Variants in LRRC36 observed in about 807,000 individuals in gnomAD.
LRRC36 encodes the protein leucine-rich repeat-containing protein 36.
In LRRC36, 62 loss-of-function variants were observed where a neutral mutation model predicts 81.1. The observed-to-expected ratio is 0.76, with a 90% CI of 0.62 to 0.94. LRRC36 has a LOEUF of 0.94. Ranked by LOEUF, LRRC36 falls within the 40% of genes least tolerant of loss-of-function variation. LRRC36 has a pLI of 0.00. For missense variants in LRRC36, 761 were observed against 881.7 expected (o/e 0.86, Z 1.73); for synonymous variants, 334 against 348.6 (o/e 0.96, Z 0.47).
intron 1 of LRRC36, among the ~76,000 whole-genome samples, chr16:67,335,324 G>A (rs527736742): frequency 3.9e-5 from 6 of 152,244 alleles, no homozygotes; most frequent in East Asian, 1.9e-4. Flanking sequence ...AGAATTCAGC[G>A]ATATTTCTCC....
At chr16:67,362,776 G>A (rs894734902) in intron 5 of LRRC36, among the ~76,000 whole-genome samples, 1 of 151,590 alleles carries the variant, frequency 6.6e-6, no homozygotes, top group Non-Finnish European at 1.5e-5. Context: ...TTTTGTTGTT[G>A]TTGTTGTTGT....
intron 6 of LRRC36, 56 bp from the exon 7 acceptor site, chr16:67,365,248 C>T: frequency 1.8e-6 from 2 of 1,138,326 alleles, no homozygotes; most frequent in Non-Finnish European, 1.3e-6. Flanking sequence ...GTCTAATAAG[C>T]TCACATTTGA....
At chr16:67,376,078 G>C (rs1274874092) in intron 10 of LRRC36, among the ~76,000 whole-genome samples, 1 of 152,230 alleles carries the variant, frequency 6.6e-6, no homozygotes, top group African/African-American at 2.4e-5. Flanking sequence ...GGGAGGCCGA[G>C]GTGGGTGGAT....
chr16:67,366,993 T>A (rs1438403385), intron 7 of LRRC36, 24 bp from the exon 8 acceptor site: 1 of 1,556,992 alleles, frequency 6.4e-7, no homozygotes, highest in Non-Finnish European at 8.7e-7. Context: ...TCATGTTTTG[T>A]TTTTTTGCCT....
chr16:67,366,041 T>C (rs545110952), intron 7 of LRRC36, among the ~76,000 whole-genome samples: 2 of 152,328 alleles, frequency 1.3e-5, no homozygotes, highest in South Asian at 4.1e-4. Context: ...AGCTTTTCTT[T>C]GTGTGATAAT....
intron 6 of LRRC36, among the ~76,000 whole-genome samples, chr16:67,364,396 A>AT (rs1253320001): frequency 2.0e-5 from 3 of 152,226 alleles, no homozygotes; most frequent in Non-Finnish European, 4.4e-5. Flanking sequence ...TTTATGAGCA[A>AT]TAAAATTGTA....
chr16:67,328,022 T>C (rs146525636), intron 1 of LRRC36, among the ~76,000 whole-genome samples: 63 of 152,062 alleles, frequency 4.1e-4, no homozygotes, highest in Admixed American at 1.3e-3. Flanking sequence ...TTGCTGAAAA[T>C]TTTAGCTGTA....
intron 1 of LRRC36, among the ~76,000 whole-genome samples, chr16:67,329,908 T>C (rs1018919553): frequency 6.6e-6 from 1 of 152,104 alleles, no homozygotes; most frequent in East Asian, 1.9e-4. Flanking sequence ...GCAGAGCAAG[T>C]CTCCATCTAA....
chr16:67,364,589 G>A lies in LRRC36; in HGVS notation c.703-715G>A, dbSNP rs535989592. 5.3e-5 allele frequency among the ~76,000 whole-genome samples: 8 copies of A among 152,280 alleles called. No individual in the cohort carries two copies. The South Asian group carries it at 1.7e-3, about 32-fold the overall frequency. ...TTGTTTTTGGAGATTATACTTGGGTGACTTAGAAACAATCTCAGTTACCAT... is the reference window on the plus strand; with the variant it reads ...TTGTTTTTGGAGATTATACTTGGGTAACTTAGAAACAATCTCAGTTACCAT... On this transcript the variant is annotated intron_variant, in intron 6 of 13. Coordinates refer to ENST00000329956, the MANE Select transcript of LRRC36 (RefSeq NM_018296.6).
At chr16:67,355,608 T>A (rs1362794724) in intron 5 of LRRC36, among the ~76,000 whole-genome samples, 2 of 152,014 alleles carry the variant, frequency 1.3e-5, no homozygotes, top group Non-Finnish European at 2.9e-5. Flanking sequence ...TCTCCTGACC[T>A]CATGATCCGC....
At chr16:67,358,242 A>G (rs1213127555) in intron 5 of LRRC36, among the ~76,000 whole-genome samples, 3 of 151,816 alleles carry the variant, frequency 2.0e-5, no homozygotes, top group Non-Finnish European at 4.4e-5. Context: ...CATAAAAATT[A>G]AAATTTTTGT....
chr16:67,344,742 G>C (rs75862061), intron 2 of LRRC36, among the ~76,000 whole-genome samples: 7,894 of 152,088 alleles, frequency 0.052, 615 homozygotes, highest in African/African-American at 0.17. Flanking sequence ...AATGGAATTG[G>C]AGAAAACAAC....
intron 1 of LRRC36, among the ~76,000 whole-genome samples, chr16:67,339,213 G>T (rs1181404236): frequency 6.7e-6 from 1 of 149,390 alleles, no homozygotes; most frequent in Admixed American, 6.7e-5. Flanking sequence ...TTCTCAAGGT[G>T]CCAGTAGCTT....
intron 13 of LRRC36, 53 bp from the exon 14 acceptor site, chr16:67,384,817 G>T: frequency 7.0e-7 from 1 of 1,428,128 alleles, no homozygotes; most frequent in Non-Finnish European, 9.8e-7. Flanking sequence ...GGTCTGCATG[G>T]TATCTCTCTT....
intron 12 of LRRC36, among the ~76,000 whole-genome samples, chr16:67,379,890 C>T (rs2040047875): frequency 6.6e-6 from 1 of 152,080 alleles, no homozygotes; most frequent in African/African-American, 2.4e-5. Context: ...TTTCTACATC[C>T]TAATGTTATT....
chr16:67,354,489 G>C (rs955220783), intron 5 of LRRC36, among the ~76,000 whole-genome samples: 1 of 152,138 alleles, frequency 6.6e-6, no homozygotes, highest in African/African-American at 2.4e-5. Context: ...TGTTGGCCAG[G>C]CTGGTCTGAA....
intron 4 of LRRC36, among the ~76,000 whole-genome samples, chr16:67,348,943 G>A (rs1304140357): frequency 1.3e-5 from 2 of 152,060 alleles, no homozygotes; most frequent in Non-Finnish European, 2.9e-5. Flanking sequence ...TTTTAGTGCA[G>A]CCTTCAGTGA....
intron 1 of LRRC36, among the ~76,000 whole-genome samples, chr16:67,327,792 AG>A (rs777964366): frequency 8.5e-5 from 13 of 152,180 alleles, no homozygotes; most frequent in Admixed American, 1.3e-4. Flanking sequence ...GAATTTGAGA[AG>A]GGGTAGTGTA....
Position 67,382,185 on chromosome 16 carries a change from C to G in LRRC36, c.1983C>G (p.Asn661Lys), listed in dbSNP as rs1180280870. The G allele has an allele frequency of 1.9e-6, 3 of 1,614,078 alleles. No individual in the cohort carries two copies. The highest frequency in any genetic ancestry group is 2.5e-6 in the Non-Finnish European group (3 of 1,180,040). The change falls in exon 13 of 14, where the codon AAC becomes AAG. Residue 661 changes from asparagine to lysine, a missense_variant. Around this residue, in one of 3 missense-constraint regions of LRRC36, gnomAD observed 359 missense variants for 388.4 expected, o/e 0.92. Transcript: ENST00000329956. ...TGACCATGCAGGTGGCTTGCCTGAA[C>G]CAGGAGCTTGCCCAGCTGAAAAAGC... The part of the protein sequence containing the change: ...QQLTMQVACL[N>K]QELAQLKKLE...
Sources: allele counts gnomAD v4.1 joint callset (sites outside exome capture counted in the v4.1 genomes callset), GRCh38; gene constraint gnomAD v4.1.1; regional missense constraint gnomAD v4.1.1; transcripts MANE v1.5; gene names NCBI Gene and HGNC (gene_info 2026-07-23, HGNC 2026-07-21).